The following KAZN variants were observed in gnomAD, a reference collection of about 807,000 sequenced individuals.
KAZN encodes the protein kazrin, periplakin interacting protein.
A neutral mutation model predicts 87.4 loss-of-function variants in KAZN; 40 were observed. The ratio of observed to expected loss-of-function variants is 0.46; its 90% CI spans 0.36 to 0.60. The LOEUF is 0.60. Ranked by LOEUF, KAZN falls within the 20% of genes least tolerant of loss-of-function variation. The probability of loss-of-function intolerance (pLI) is 0.00; values close to 1 mark genes in which losing one functional copy is unlikely to be tolerated. For synonymous variants in KAZN, 466 were observed against 458.3 expected, an observed-to-expected ratio of 1.02 and a Z score of -0.22; for missense variants, 898 against 1,073.9, an observed-to-expected ratio of 0.84 and a Z score of 2.29.
intron 14 of KAZN, chr1:15,113,549 AAGAG>A (rs1338304912): frequency 2.0e-5 from 3 of 152,252 alleles, no homozygotes; most frequent in Non-Finnish European, 4.4e-5. Flanking sequence ...TGTGTGCAGT[AAGAG>A]AGAAGTATTT....
At chr1:14,381,436 T>C (rs1313520035) in intron 2 of KAZN, among the ~76,000 whole-genome samples, 2 of 151,880 alleles carry the variant, frequency 1.3e-5, no homozygotes, top group Non-Finnish European at 2.9e-5. Flanking sequence ...AACAAAACAC[T>C]AGAAAACCGA....
At chr1:14,703,445 CATT>C (rs1642037247) in intron 1 of KAZN, among the ~76,000 whole-genome samples, 1 of 152,244 alleles carries the variant, frequency 6.6e-6, no homozygotes, top group Admixed American at 6.5e-5. Flanking sequence ...AGTGGGCAGT[CATT>C]CTTCTTCTCC....
intron 1 of KAZN, among the ~76,000 whole-genome samples, chr1:14,779,210 G>A (rs1377623533): frequency 6.6e-6 from 1 of 152,202 alleles, no homozygotes; most frequent in East Asian, 1.9e-4. Context: ...ATGGAGAATG[G>A]GAAACATCCT....
At chr1:14,048,330 C>T (rs1407757801) in intron 1 of KAZN, among the ~76,000 whole-genome samples, 2 of 152,116 alleles carry the variant, frequency 1.3e-5, no homozygotes, top group Non-Finnish European at 2.9e-5. Flanking sequence ...CCATACTTTC[C>T]TGATTGGACT....
intron 1 of KAZN, among the ~76,000 whole-genome samples, chr1:14,693,208 T>C (rs1572240301): frequency 6.6e-6 from 1 of 152,300 alleles, no homozygotes; most frequent in Non-Finnish European, 1.5e-5. Context: ...AAAAGGACTG[T>C]CCGCCTCCTT....
chr1:14,123,013 G>A (rs892215827), intron 1 of KAZN, among the ~76,000 whole-genome samples: 2 of 152,186 alleles, frequency 1.3e-5, no homozygotes, highest in African/African-American at 4.8e-5. Context: ...GTAGTTGGCA[G>A]AGATAATTTT....
intron 1 of KAZN, among the ~76,000 whole-genome samples, chr1:14,615,536 G>A (rs1252998613): frequency 6.6e-6 from 1 of 151,870 alleles, no homozygotes; most frequent in Non-Finnish European, 1.5e-5. Flanking sequence ...TGAAGCACAA[G>A]AATTGCTTGA....
At chr1:14,649,740 T>C (rs1638228827) in intron 1 of KAZN, among the ~76,000 whole-genome samples, 1 of 152,182 alleles carries the variant, frequency 6.6e-6, no homozygotes, top group African/African-American at 2.4e-5. Context: ...GCGTGAACTG[T>C]GATAAGCTGA....
chr1:14,364,177 T>C (rs1355291491), intron 2 of KAZN, among the ~76,000 whole-genome samples: 3 of 152,082 alleles, frequency 2.0e-5, no homozygotes, highest in African/African-American at 7.2e-5. Flanking sequence ...CATGTACCTT[T>C]TGGGTCCTTC....
chr1:14,311,208 G>T (rs1455427703), intron 2 of KAZN, among the ~76,000 whole-genome samples: 1 of 152,162 alleles, frequency 6.6e-6, no homozygotes, highest in Non-Finnish European at 1.5e-5. Flanking sequence ...GAGCAAGCAA[G>T]ATTTTGCATT....
chr1:14,622,635 G>T (rs1572068641), intron 1 of KAZN, among the ~76,000 whole-genome samples: 1 of 144,558 alleles, frequency 6.9e-6, no homozygotes, highest in East Asian at 2.0e-4. Context: ...AGCTTGCAGG[G>T]AGCGGAGATC....
chr1:15,050,764 C>G (rs541739569), intron 4 of KAZN, among the ~76,000 whole-genome samples: 9 of 152,128 alleles, frequency 5.9e-5, no homozygotes, highest in Admixed American at 5.9e-4. Flanking sequence ...TGCCCAATCC[C>G]GAGCCCACCT....
intron 1 of KAZN, among the ~76,000 whole-genome samples, chr1:14,777,834 C>T (rs1023638090): frequency 3.9e-5 from 6 of 152,260 alleles, no homozygotes; most frequent in African/African-American, 1.2e-4. Context: ...GGTTCCTCCC[C>T]TTTTTAGACC....
chr1:14,096,576 A>G (rs911413720), intron 1 of KAZN, among the ~76,000 whole-genome samples: 11 of 152,256 alleles, frequency 7.2e-5, no homozygotes, highest in Non-Finnish European at 1.6e-4. Context: ...TCAAGTGATC[A>G]GGAGAATTGA....
intron 1 of KAZN, among the ~76,000 whole-genome samples, chr1:14,719,346 G>C (rs546826262): frequency 6.6e-6 from 1 of 152,328 alleles, no homozygotes; most frequent in East Asian, 1.9e-4. Flanking sequence ...AAATAGAGCA[G>C]GCAAAAGCCC....
intron 2 of KAZN, among the ~76,000 whole-genome samples, chr1:14,503,398 G>A (rs905518954): frequency 4.6e-5 from 7 of 151,092 alleles, no homozygotes; most frequent in African/African-American, 1.7e-4. Context: ...GCAGGAGAAT[G>A]GCATGAACCT....
intron 1 of KAZN, among the ~76,000 whole-genome samples, chr1:13,979,790 G>A (rs1408412091): frequency 2.0e-5 from 3 of 152,066 alleles, no homozygotes; most frequent in Non-Finnish European, 2.9e-5. Flanking sequence ...AATTAACCAG[G>A]CGTAGTGGCA....
intron 1 of KAZN, among the ~76,000 whole-genome samples, chr1:14,717,834 T>A (rs762096775): frequency 2.0e-5 from 3 of 152,178 alleles, no homozygotes; most frequent in Non-Finnish European, 2.9e-5. Context: ...GGTCGGGCCT[T>A]GATGCAATGT....
chr1:14,659,003 C>T (rs561562746), intron 1 of KAZN, among the ~76,000 whole-genome samples: 1 of 152,304 alleles, frequency 6.6e-6, no homozygotes, highest in South Asian at 2.1e-4. Flanking sequence ...CTTCAAGAGG[C>T]CGAGGTGGGA....
Sources: gnomAD v4.1 joint callset for allele counts (sites outside exome capture counted in the v4.1 genomes callset) on GRCh38, gnomAD v4.1.1 for gene constraint, MANE v1.5 for transcripts, NCBI Gene and HGNC (gene_info 2026-07-23, HGNC 2026-07-21) for gene names.